PAX3: variants seen among roughly 807,000 people sequenced by gnomAD.
The protein encoded by PAX3 is paired box 3, also known as paired box protein Pax-3.
A neutral mutation model predicts 51.6 loss-of-function variants in PAX3; 14 were observed. That is an observed-to-expected ratio of 0.27 (90% CI 0.18 to 0.42). The LOEUF (loss-of-function observed/expected upper bound fraction) is 0.42. Ranked by LOEUF, PAX3 falls within the 10% of genes least tolerant of loss-of-function variation. The pLI, the probability that PAX3 is intolerant of heterozygous loss-of-function variation, is 1.00. For synonymous variants in PAX3, 280 were observed against 253.4 expected (o/e 1.11, Z -1.00); for missense variants, 540 against 642.8 (o/e 0.84, Z 1.73).
At chr2:222,260,301 G>A (rs1426379770) in intron 4 of PAX3, among the ~76,000 whole-genome samples, 1 of 152,066 alleles carries the variant, frequency 6.6e-6, no homozygotes, top group Non-Finnish European at 1.5e-5. Flanking sequence ...CTGGGAGGTC[G>A]AGGCTACAGT....
At chr2:222,247,783 G>GA (rs909136047) in intron 4 of PAX3, among the ~76,000 whole-genome samples, 51 of 151,542 alleles carry the variant, frequency 3.4e-4, no homozygotes, top group African/African-American at 1.2e-3. Context: ...GCCCAGAGAG[G>GA]AAAAAAAAAT....
At chr2:222,271,451 C>CTGAT (rs1694250528) in intron 4 of PAX3, among the ~76,000 whole-genome samples, 1 of 152,180 alleles carries the variant, frequency 6.6e-6, no homozygotes, top group Non-Finnish European at 1.5e-5. Context: ...AATGGTGATG[C>CTGAT]TGATGATGAT....
intron 7 of PAX3, among the ~76,000 whole-genome samples, chr2:222,213,102 GT>G (rs1412321768): frequency 6.6e-5 from 10 of 152,132 alleles, no homozygotes; most frequent in Non-Finnish European, 1.2e-4. Context: ...AGCAAGGAAG[GT>G]TTTCTTTTGG....
intron 4 of PAX3, among the ~76,000 whole-genome samples, chr2:222,258,209 AT>A (rs1693717946): frequency 6.6e-6 from 1 of 152,218 alleles, no homozygotes; most frequent in Non-Finnish European, 1.5e-5. Flanking sequence ...AAAAAACAAT[AT>A]ATTTGTCTGC....
intron 7 of PAX3, among the ~76,000 whole-genome samples, chr2:222,208,237 A>G (rs760338453): frequency 6.6e-6 from 1 of 152,124 alleles, no homozygotes. Context: ...CTTTGTGACC[A>G]TGTCTACAAT....
chr2:222,232,670 T>G (rs1692642260), intron 4 of PAX3, among the ~76,000 whole-genome samples: 1 of 152,186 alleles, frequency 6.6e-6, no homozygotes, highest in Non-Finnish European at 1.5e-5. Flanking sequence ...GCCCTATGCT[T>G]ACTACTTAAT....
At chr2:222,276,082 GT>G (rs1453199415) in intron 4 of PAX3, among the ~76,000 whole-genome samples, 1 of 152,172 alleles carries the variant, frequency 6.6e-6, no homozygotes, top group Non-Finnish European at 1.5e-5. Context: ...AATCCTGTGT[GT>G]CCCTTTCTGG....
At chr2:222,210,300 T>C (rs1691675749) in intron 7 of PAX3, among the ~76,000 whole-genome samples, 2 of 152,342 alleles carry the variant, frequency 1.3e-5, no homozygotes, top group South Asian at 2.1e-4. Flanking sequence ...TTGTCCCTTA[T>C]GTTCCAAAAC....
At chr2:222,261,060 T>C (rs1365945304) in intron 4 of PAX3, among the ~76,000 whole-genome samples, 2 of 152,240 alleles carry the variant, frequency 1.3e-5, no homozygotes, top group African/African-American at 2.4e-5. Context: ...AAAATTACTA[T>C]ACTGATAAAC....
chr2:222,231,178 A>G (rs1327033024), intron 5 of PAX3, among the ~76,000 whole-genome samples: 1 of 152,190 alleles, frequency 6.6e-6, no homozygotes, highest in African/African-American at 2.4e-5. Flanking sequence ...TGATCAATCT[A>G]GGGACCATGT....
intron 4 of PAX3, among the ~76,000 whole-genome samples, chr2:222,249,029 G>C (rs575703788): frequency 1.2e-4 from 18 of 152,076 alleles, no homozygotes; most frequent in African/African-American, 4.3e-4. Flanking sequence ...GCTCTTTCTT[G>C]GTTTCAGTAT....
chr2:222,272,421 C>T (rs1286276455), intron 4 of PAX3, among the ~76,000 whole-genome samples: 1 of 152,130 alleles, frequency 6.6e-6, no homozygotes, highest in East Asian at 1.9e-4. Flanking sequence ...CAATGGGTAA[C>T]ATTTGTTATG....
chr2:222,260,368 A>G (rs1377119700), intron 4 of PAX3, among the ~76,000 whole-genome samples: 1 of 152,032 alleles, frequency 6.6e-6, no homozygotes, highest in Non-Finnish European at 1.5e-5. Context: ...ACCTTTCTCA[A>G]AAAGAAAACA....
At chr2:222,262,471 T>A (rs1020347369) in intron 4 of PAX3, 2 of 152,172 alleles carry the variant, frequency 1.3e-5, no homozygotes, top group African/African-American at 4.8e-5. Context: ...AATGACATCC[T>A]CAGTTTGGCA....
chr2:222,231,358 T>C (rs1013791843), intron 5 of PAX3, among the ~76,000 whole-genome samples: 1 of 152,254 alleles, frequency 6.6e-6, no homozygotes, highest in African/African-American at 2.4e-5. Flanking sequence ...AGGAAGTAGT[T>C]CTTCATTAAT....
intron 4 of PAX3, among the ~76,000 whole-genome samples, chr2:222,240,044 T>A (rs1171152554): frequency 1.3e-5 from 2 of 151,886 alleles, no homozygotes; most frequent in African/African-American, 4.8e-5. Context: ...CACGAGGTCA[T>A]TAGAAGGAAA....
At position 222,294,269 on chromosome 2, in the gene PAX3, A is replaced by G. The variant is rs148977636; in HGVS notation, c.484T>C (p.Phe162Leu). The part of the protein sequence containing the change: ...SSISRILRSK[F>L]GKGEEEEADL... ...GCCTCCTCCTCTTCACCTTTCCCGA[A>G]TTTACTTCTCAGGATGCGGCTGATG... The change falls in exon 4 of 9, where the codon TTC (phenylalanine) becomes CTC (leucine). Residue 162 changes from phenylalanine to leucine, a missense_variant. By Grantham distance (22) the Phe-to-Leu change is conservative. This residue lies in a region of PAX3 where 427 missense variants were observed against 483.6 expected (regional missense o/e 0.88). Transcript: ENST00000392070. 19 of 1,613,934 alleles carry G rather than the reference A, an allele frequency of 1.2e-5. No homozygotes were observed. In the African/African-American group the frequency reaches 2.0e-4, roughly 17 times the overall value.
chr2:222,229,039 C>A (rs1692485067), intron 5 of PAX3, among the ~76,000 whole-genome samples: 1 of 151,958 alleles, frequency 6.6e-6, no homozygotes, highest in Non-Finnish European at 1.5e-5. Context: ...AGTGGCCACT[C>A]AAAAGAGGCA....
intron 4 of PAX3, among the ~76,000 whole-genome samples, chr2:222,240,576 A>G (rs1299892472): frequency 1.3e-5 from 2 of 152,230 alleles, no homozygotes; most frequent in African/African-American, 4.8e-5. Context: ...ATTCACTGGT[A>G]TGTTTATGTA....
Sources: allele counts gnomAD v4.1 joint callset (sites outside exome capture counted in the v4.1 genomes callset), GRCh38; gene constraint gnomAD v4.1.1; regional missense constraint gnomAD v4.1.1; transcripts MANE v1.5; gene names NCBI Gene and HGNC (gene_info 2026-07-23, HGNC 2026-07-21).